Variants in CFAP47 observed in about 807,000 individuals in gnomAD.
CFAP47 encodes cilia and flagella associated protein 47, also known as cilia- and flagella-associated protein 47.
In CFAP47, 29 loss-of-function variants were observed where a neutral mutation model predicts 148.1. That is an observed-to-expected ratio of 0.20 (90% CI 0.15 to 0.27). The LOEUF (loss-of-function observed/expected upper bound fraction) is 0.27. Among genes scored for constraint, CFAP47 ranks in the 10% least tolerant of loss-of-function variants. The pLI is 1.00. For missense variants in CFAP47, 1,872 were observed against 1,697.5 expected (o/e 1.10, Z -1.81); for synonymous variants, 664 against 577.3 (o/e 1.15, Z -2.15).
At chrX:36,231,313 G>A (rs782260232) in intron 46 of CFAP47, among the ~76,000 whole-genome samples, 1 of 105,348 alleles carries the variant, frequency 9.5e-6, no homozygotes, top group Non-Finnish European at 1.9e-5. Context: ...AGTTCTCCTT[G>A]AAGAGGTCCT....
intron 62 of CFAP47, among the ~76,000 whole-genome samples, chrX:36,371,568 T>C (rs1941935638): frequency 2.0e-5 from 2 of 100,248 alleles, no homozygotes; most frequent in Admixed American, 1.1e-4. Context: ...TGTGTATATA[T>C]ATGTGTGTAT....
At chrX:36,354,637 A>G (rs1364794099) in intron 60 of CFAP47, among the ~76,000 whole-genome samples, 1 of 110,849 alleles carries the variant, frequency 9.0e-6, no homozygotes, top group Non-Finnish European at 1.9e-5. Context: ...AGAGTTCTGG[A>G]CCCTCCAAAC....
intron 45 of CFAP47, among the ~76,000 whole-genome samples, chrX:36,213,173 T>C (rs1222146060): frequency 4.5e-5 from 5 of 111,844 alleles, no homozygotes; most frequent in African/African-American, 1.6e-4. Flanking sequence ...GTGTTTTATA[T>C]ATTTGAGGAT....
At chrX:36,130,407 C>A (rs1938925694) in intron 33 of CFAP47, among the ~76,000 whole-genome samples, 1 of 110,611 alleles carries the variant, frequency 9.0e-6, no homozygotes, top group African/African-American at 3.3e-5. Context: ...TGGCTTATAT[C>A]CAAAAGACAG....
At chrX:36,271,670 A>G (rs1556001865) in intron 49 of CFAP47, among the ~76,000 whole-genome samples, 1 of 112,245 alleles carries the variant, frequency 8.9e-6, no homozygotes, top group African/African-American at 3.2e-5. Context: ...TTGACATAAC[A>G]TATGTAAACA....
intron 57 of CFAP47, among the ~76,000 whole-genome samples, chrX:36,338,431 C>G (rs1377530908): frequency 9.0e-6 from 1 of 111,382 alleles, no homozygotes; most frequent in Non-Finnish European, 1.9e-5. Context: ...CTCTCTGATA[C>G]AGCTCTTTTA....
intron 22 of CFAP47, among the ~76,000 whole-genome samples, chrX:36,020,094 T>C (rs1228421660): frequency 8.9e-6 from 1 of 111,968 alleles, no homozygotes; most frequent in African/African-American, 3.2e-5. Flanking sequence ...TGTTGCTGTA[T>C]CCCATAGGTT....
intron 54 of CFAP47, among the ~76,000 whole-genome samples, chrX:36,305,895 C>A (rs1459639028): frequency 1.8e-5 from 2 of 111,354 alleles, no homozygotes; most frequent in African/African-American, 6.5e-5. Flanking sequence ...AGATAAGCTA[C>A]AATTGTGTAA....
At chrX:36,020,253 C>A (rs1450605773) in intron 22 of CFAP47, among the ~76,000 whole-genome samples, 1 of 111,916 alleles carries the variant, frequency 8.9e-6, no homozygotes, top group Non-Finnish European at 1.9e-5. Context: ...TGGGACCTGA[C>A]GTATGATTCT....
chrX:36,161,546 AT>A (rs1939430363), intron 39 of CFAP47, among the ~76,000 whole-genome samples: 1 of 111,562 alleles, frequency 9.0e-6, no homozygotes, highest in African/African-American at 3.3e-5. Context: ...AGACAATAAA[AT>A]TTTCAAGTAT....
chrX:36,138,223 A>T, intron 34 of CFAP47, 125 bp from the exon 35 acceptor site: 8 of 756,504 alleles, frequency 1.1e-5, no homozygotes, highest in Non-Finnish European at 3.6e-6. Context: ...TTGCATTTTG[A>T]TTGCAATAAT....
At chrX:35,939,536 T>C (rs1358602409) in intron 2 of CFAP47, among the ~76,000 whole-genome samples, 1 of 94,157 alleles carries the variant, frequency 1.1e-5, no homozygotes, top group African/African-American at 3.9e-5. Context: ...TGAGTGAGAA[T>C]ATGCGGTGTT....
At chrX:35,924,300 CATATGTAT>C (rs1225163504) in intron 1 of CFAP47, among the ~76,000 whole-genome samples, 6 of 100,564 alleles carry the variant, frequency 6.0e-5, no homozygotes, top group Non-Finnish European at 1.2e-4. Context: ...TATGTGTACA[CATATGTAT>C]ATATGTACAT....
At chrX:36,248,265 C>T (rs782168735) in intron 48 of CFAP47, among the ~76,000 whole-genome samples, 139 of 103,509 alleles carry the variant, frequency 1.3e-3, no homozygotes, top group African/African-American at 4.6e-3. Context: ...TCTACAGTTA[C>T]CTATAAAAGA....
chrX:36,272,945 C>G (rs950323721), intron 49 of CFAP47, among the ~76,000 whole-genome samples: 7 of 106,953 alleles, frequency 6.5e-5, no homozygotes, highest in Non-Finnish European at 1.3e-4. Flanking sequence ...ATATTATATG[C>G]CAGGGAAATA....
intron 57 of CFAP47, among the ~76,000 whole-genome samples, chrX:36,330,361 G>A (rs1255222876): frequency 1.8e-5 from 2 of 111,734 alleles, no homozygotes; most frequent in African/African-American, 3.3e-5. Context: ...ATTAAGGACT[G>A]CTCTATATAT....
intron 50 of CFAP47, among the ~76,000 whole-genome samples, chrX:36,283,812 A>G (rs1941104537): frequency 9.0e-6 from 1 of 111,496 alleles, no homozygotes; most frequent in Non-Finnish European, 1.9e-5. Flanking sequence ...AAATGGGCAG[A>G]CTCTTGAGAT....
intron 62 of CFAP47, among the ~76,000 whole-genome samples, chrX:36,377,706 C>G (rs1231499642): frequency 8.9e-6 from 1 of 111,754 alleles, no homozygotes; most frequent in Non-Finnish European, 1.9e-5. Context: ...GGTGCCCTGT[C>G]TTATTCATTC....
intron 33 of CFAP47, among the ~76,000 whole-genome samples, chrX:36,111,192 G>T (rs767080657): frequency 4.9e-4 from 55 of 111,664 alleles, no homozygotes; most frequent in African/African-American, 1.8e-3. Flanking sequence ...GTTTTCAAAA[G>T]GAATGCTTCC....
Sources: gnomAD v4.1 joint callset for allele counts (sites outside exome capture counted in the v4.1 genomes callset) on GRCh38, gnomAD v4.1.1 for gene constraint, MANE v1.5 for transcripts, NCBI Gene and HGNC (gene_info 2026-07-23, HGNC 2026-07-21) for gene names.